TBC1D22A: variants seen among roughly 807,000 people sequenced by gnomAD.
TBC1D22A encodes TBC1 domain family member 22A, also known as putative GTPase activator.
Under a neutral mutation model 60.2 loss-of-function variants are expected in TBC1D22A, and 38 were observed. The observed-to-expected ratio is 0.63, with a 90% CI of 0.49 to 0.83. The LOEUF is 0.83. Ranked by LOEUF, TBC1D22A falls within the 40% of genes least tolerant of loss-of-function variation. The pLI, the probability that TBC1D22A is intolerant of heterozygous loss-of-function variation, is 0.00. For synonymous variants in TBC1D22A, 302 were observed against 281.7 expected (o/e 1.07, Z -0.72); for missense variants, 628 against 701.0 (o/e 0.90, Z 1.18).
At chr22:47,051,219 A>G (rs991654035) in intron 11 of TBC1D22A, among the ~76,000 whole-genome samples, 5 of 152,160 alleles carry the variant, frequency 3.3e-5, no homozygotes, top group African/African-American at 1.2e-4. Flanking sequence ...CATTCCAGTA[A>G]TGTTGTTGTC....
intron 11 of TBC1D22A, among the ~76,000 whole-genome samples, chr22:47,078,623 G>A (rs548415998): frequency 6.6e-6 from 1 of 152,360 alleles, no homozygotes; most frequent in Admixed American, 6.5e-5. Flanking sequence ...TGCTATCAGT[G>A]TGATTCTTAC....
intron 2 of TBC1D22A, chr22:46,792,797 G>C (rs1347632042): frequency 1.4e-6 from 2 of 1,454,848 alleles, no homozygotes; most frequent in Non-Finnish European, 1.8e-6. Context: ...ACAGCCTGAT[G>C]TGGGGAGGTG....
chr22:46,822,798 A>G (rs1015072926), intron 4 of TBC1D22A, among the ~76,000 whole-genome samples: 11 of 152,004 alleles, frequency 7.2e-5, no homozygotes, highest in Non-Finnish European at 7.4e-5. Flanking sequence ...GCTGGGGGAG[A>G]ACCCACTTGT....
At chr22:47,003,167 A>G (rs1355887454) in intron 10 of TBC1D22A, among the ~76,000 whole-genome samples, 6 of 152,136 alleles carry the variant, frequency 3.9e-5, no homozygotes, top group Admixed American at 2.6e-4. Flanking sequence ...ATTTTTTAAT[A>G]TAAGTATGCC....
intron 4 of TBC1D22A, among the ~76,000 whole-genome samples, chr22:46,858,465 C>CCG (rs949574374): frequency 6.6e-6 from 1 of 150,962 alleles, no homozygotes; most frequent in African/African-American, 2.5e-5. Context: ...GCAAACACCC[C>CCG]CCCCAGCTCT....
At chr22:46,784,228 G>A (rs1471453987) in intron 1 of TBC1D22A, among the ~76,000 whole-genome samples, 1 of 152,016 alleles carries the variant, frequency 6.6e-6, no homozygotes, top group Non-Finnish European at 1.5e-5. Flanking sequence ...TTTTTTGGTA[G>A]AGATGGGGTC....
At chr22:46,806,991 A>G (rs977745660) in intron 4 of TBC1D22A, among the ~76,000 whole-genome samples, 1 of 152,244 alleles carries the variant, frequency 6.6e-6, no homozygotes, top group Admixed American at 6.5e-5. Context: ...CATGGCCTGG[A>G]TACTCTAGTA....
chr22:46,808,896 C>T (rs181698930), intron 4 of TBC1D22A, among the ~76,000 whole-genome samples: 6 of 152,298 alleles, frequency 3.9e-5, no homozygotes, highest in African/African-American at 7.2e-5. Flanking sequence ...GCCCGGCCTT[C>T]GCCAGCTTTT....
chr22:46,954,348 C>T (rs1039197960), intron 8 of TBC1D22A, among the ~76,000 whole-genome samples: 4 of 152,212 alleles, frequency 2.6e-5, no homozygotes, highest in East Asian at 1.9e-4. Flanking sequence ...GTGAGTACTG[C>T]GGTCAACACT....
chr22:47,052,913 G>A (rs1443595307), intron 11 of TBC1D22A, among the ~76,000 whole-genome samples: 1 of 152,222 alleles, frequency 6.6e-6, no homozygotes, highest in Non-Finnish European at 1.5e-5. Context: ...CCGTGTTGAT[G>A]GTCTTGGGGT....
chr22:47,097,511 G>A (rs951922864), intron 11 of TBC1D22A, among the ~76,000 whole-genome samples: 17 of 152,100 alleles, frequency 1.1e-4, no homozygotes, highest in Admixed American at 5.2e-4. Flanking sequence ...CTACTTGGGA[G>A]GCTGAGACAG....
At chr22:47,163,992 A>C (rs1375899731) in intron 12 of TBC1D22A, among the ~76,000 whole-genome samples, 1 of 152,208 alleles carries the variant, frequency 6.6e-6, no homozygotes, top group Non-Finnish European at 1.5e-5. Flanking sequence ...CAACACCTCC[A>C]AGGCCCATGC....
intron 8 of TBC1D22A, among the ~76,000 whole-genome samples, chr22:46,920,780 A>T (rs543914234): frequency 4.1e-5 from 6 of 148,144 alleles, no homozygotes; most frequent in South Asian, 4.3e-4. Flanking sequence ...TTATTTATTC[A>T]TTTTTTTTTT....
intron 12 of TBC1D22A, among the ~76,000 whole-genome samples, chr22:47,113,332 G>A (rs2147729854): frequency 6.6e-6 from 1 of 152,258 alleles, no homozygotes; most frequent in Admixed American, 6.5e-5. Flanking sequence ...CCTCGGTGGT[G>A]TCTGTGACTG....
intron 9 of TBC1D22A, among the ~76,000 whole-genome samples, chr22:46,993,060 G>A (rs2075003412): frequency 6.6e-6 from 1 of 152,222 alleles, no homozygotes; most frequent in African/African-American, 2.4e-5. Flanking sequence ...AGGTGGAAGA[G>A]CACTTTGTCA....
chr22:46,942,204 C>T (rs910176602), intron 8 of TBC1D22A, among the ~76,000 whole-genome samples: 1 of 151,874 alleles, frequency 6.6e-6, no homozygotes, highest in African/African-American at 2.4e-5. Context: ...GCATGTGGTT[C>T]GTATTAGGTA....
At chr22:46,838,932 CCA>C (rs1379920979) in intron 4 of TBC1D22A, among the ~76,000 whole-genome samples, 3 of 152,108 alleles carry the variant, frequency 2.0e-5, no homozygotes, top group Non-Finnish European at 4.4e-5. Flanking sequence ...TATGACAATC[CCA>C]TAGCTTAAGA....
chr22:47,152,822 G>C (rs755598487), intron 12 of TBC1D22A, among the ~76,000 whole-genome samples: 2 of 152,190 alleles, frequency 1.3e-5, no homozygotes, highest in Non-Finnish European at 2.9e-5. Flanking sequence ...AGATGTCTGT[G>C]ACCCTTCGGG....
intron 11 of TBC1D22A, among the ~76,000 whole-genome samples, chr22:47,110,879 C>G (rs1360198539): frequency 6.6e-6 from 1 of 152,122 alleles, no homozygotes; most frequent in African/African-American, 2.4e-5. Context: ...TCCTGGGTTT[C>G]CGGGATGAGT....
Sources: gnomAD v4.1 joint callset for allele counts (sites outside exome capture counted in the v4.1 genomes callset) on GRCh38, gnomAD v4.1.1 for gene constraint, MANE v1.5 for transcripts, NCBI Gene and HGNC (gene_info 2026-07-23, HGNC 2026-07-21) for gene names.